The following TENM2 variants were observed in gnomAD, a reference collection of about 807,000 sequenced individuals.
TENM2 encodes teneurin transmembrane protein 2.
In TENM2, 52 loss-of-function variants were observed where a neutral mutation model predicts 245.2. The ratio of observed to expected loss-of-function variants is 0.21; its 90% CI spans 0.17 to 0.27. The LOEUF is 0.27. TENM2 is among the 10% of genes least tolerant of loss of function. TENM2 has a pLI of 1.00. For missense variants in TENM2, 3,046 were observed against 3,666.8 expected, an observed-to-expected ratio of 0.83 and a Z score of 4.37; for synonymous variants, 1,363 against 1,438.9, an observed-to-expected ratio of 0.95 and a Z score of 1.19.
At chr5:167,911,970 A>G (rs1346542488) in intron 3 of TENM2, among the ~76,000 whole-genome samples, 1 of 152,234 alleles carries the variant, frequency 6.6e-6, no homozygotes, top group African/African-American at 2.4e-5. Flanking sequence ...AAATCAAATC[A>G]ATTAACATAT....
intron 1 of TENM2, among the ~76,000 whole-genome samples, chr5:167,343,229 G>A (rs1462797885): frequency 1.3e-5 from 2 of 152,064 alleles, no homozygotes. Flanking sequence ...GAATTACAGG[G>A]TATATCACCT....
the TENM2 span, among the ~76,000 whole-genome samples, chr5:167,195,941 T>G: frequency 6.6e-6 from 1 of 152,072 alleles, no homozygotes; most frequent in East Asian, 1.9e-4. Context: ...TCAATATTTA[T>G]ATAATGAAGC....
At chr5:167,479,880 G>GAC (rs1767650053) in intron 2 of TENM2, among the ~76,000 whole-genome samples, 1 of 152,132 alleles carries the variant, frequency 6.6e-6, no homozygotes, top group African/African-American at 2.4e-5. Context: ...TCGTGTCTAG[G>GAC]GAGTGGGCCA....
chr5:168,001,754 C>T (rs534059699), intron 5 of TENM2, among the ~76,000 whole-genome samples: 1 of 152,206 alleles, frequency 6.6e-6, no homozygotes, highest in African/African-American at 2.4e-5. Flanking sequence ...GAATAGACAC[C>T]CAGAATTTTT....
the TENM2 span, among the ~76,000 whole-genome samples, chr5:167,121,466 AAGT>A: frequency 6.6e-6 from 1 of 152,216 alleles, no homozygotes; most frequent in Non-Finnish European, 1.5e-5. Context: ...CTAAAGCTAA[AAGT>A]AGCTTGAGTG....
chr5:167,767,363 A>G (rs6880746), intron 2 of TENM2, among the ~76,000 whole-genome samples: 55,509 of 152,104 alleles, frequency 0.36, 12,370 homozygotes, highest in East Asian at 0.6. Flanking sequence ...TCATTGACAT[A>G]GAAGATACAA....
chr5:167,313,423 C>T (rs947448484), intron 1 of TENM2, among the ~76,000 whole-genome samples: 19 of 152,254 alleles, frequency 1.2e-4, no homozygotes, highest in Middle Eastern at 3.4e-3. Context: ...AGGTGGATCA[C>T]GAGCTCAGGA....
At chr5:168,189,903 C>T (rs1267316049) in intron 13 of TENM2, among the ~76,000 whole-genome samples, 1 of 152,140 alleles carries the variant, frequency 6.6e-6, no homozygotes, top group African/African-American at 2.4e-5. Flanking sequence ...CCACCATGCC[C>T]AGCCAGAAAT....
At chr5:167,869,706 A>G (rs915689261) in intron 2 of TENM2, among the ~76,000 whole-genome samples, 1 of 152,220 alleles carries the variant, frequency 6.6e-6, no homozygotes, top group African/African-American at 2.4e-5. Context: ...CCCGTGGTGA[A>G]GGCTTGATGA....
chr5:167,509,661 G>C (rs748476605), intron 2 of TENM2, among the ~76,000 whole-genome samples: 3 of 152,154 alleles, frequency 2.0e-5, no homozygotes, highest in African/African-American at 7.2e-5. Flanking sequence ...TATTATTAGC[G>C]ATAATAGTAA....
intron 2 of TENM2, among the ~76,000 whole-genome samples, chr5:167,775,529 A>G (rs1044155283): frequency 2.0e-5 from 3 of 152,338 alleles, no homozygotes; most frequent in East Asian, 1.9e-4. Flanking sequence ...GACAAACACC[A>G]GTTATAATTT....
intron 2 of TENM2, among the ~76,000 whole-genome samples, chr5:167,744,642 C>T (rs1054372912): frequency 2.0e-5 from 3 of 152,198 alleles, no homozygotes; most frequent in Non-Finnish European, 4.4e-5. Context: ...TCGTTCCTTC[C>T]ACCTATTAAT....
At chr5:167,341,936 C>G (rs1296535161) in intron 1 of TENM2, among the ~76,000 whole-genome samples, 1 of 152,068 alleles carries the variant, frequency 6.6e-6, no homozygotes, top group Admixed American at 6.6e-5. Flanking sequence ...ACATTTTGAT[C>G]AAATTTTTAC....
intron 1 of TENM2, among the ~76,000 whole-genome samples, chr5:167,353,333 T>TGGGGG (rs10635512): frequency 1.5e-5 from 2 of 135,738 alleles, no homozygotes; most frequent in East Asian, 2.4e-4. Flanking sequence ...AGGGGGGTGG[T>TGGGGG]GGGGGTGCAG....
chr5:167,625,078 C>T (rs1258355777), intron 2 of TENM2, among the ~76,000 whole-genome samples: 1 of 151,970 alleles, frequency 6.6e-6, no homozygotes, highest in Non-Finnish European at 1.5e-5. Flanking sequence ...GGCTGTTTTA[C>T]CCCCAAGCAG....
At chr5:167,910,100 A>G (rs1362216653) in intron 3 of TENM2, among the ~76,000 whole-genome samples, 2 of 152,136 alleles carry the variant, frequency 1.3e-5, no homozygotes, top group East Asian at 3.9e-4. Flanking sequence ...CTACAATGCA[A>G]CACAATGAAA....
At chr5:168,196,905 C>G (rs1034287137) in intron 15 of TENM2, among the ~76,000 whole-genome samples, 6 of 152,264 alleles carry the variant, frequency 3.9e-5, no homozygotes, top group South Asian at 4.1e-4. Context: ...AATTATGCCC[C>G]AAGTCCACTT....
intron 2 of TENM2, among the ~76,000 whole-genome samples, chr5:167,743,001 C>T (rs1041872066): frequency 6.6e-6 from 1 of 151,506 alleles, no homozygotes; most frequent in African/African-American, 2.4e-5. Flanking sequence ...ACAACAACAA[C>T]AACAACAACA....
intron 2 of TENM2, among the ~76,000 whole-genome samples, chr5:167,683,892 G>A (rs1756904542): frequency 6.6e-6 from 1 of 152,170 alleles, no homozygotes; most frequent in African/African-American, 2.4e-5. Flanking sequence ...AGTTAAAAAT[G>A]CGTGTAGTAC....
Sources: gnomAD v4.1 joint callset for allele counts (sites outside exome capture counted in the v4.1 genomes callset) on GRCh38, gnomAD v4.1.1 for gene constraint, MANE v1.5 for transcripts, NCBI Gene and HGNC (gene_info 2026-07-23, HGNC 2026-07-21) for gene names.